CNBD1: variants seen among roughly 807,000 people sequenced by gnomAD.
The protein encoded by CNBD1 is cyclic nucleotide binding domain containing 1.
A neutral mutation model predicts 54.4 loss-of-function variants in CNBD1; 71 were observed. The ratio of observed to expected loss-of-function variants is 1.30; its 90% CI spans 1.08 to 1.59. The LOEUF (loss-of-function observed/expected upper bound fraction) is 1.59, where lower values mean the gene tolerates loss of function less well. CNBD1 is among the 40% of genes most tolerant of loss of function. The probability of loss-of-function intolerance (pLI) is 0.00; values close to 1 mark genes in which losing one functional copy is unlikely to be tolerated. For synonymous variants in CNBD1, 182 were observed against 170.7 expected (o/e 1.07, Z -0.51); for missense variants, 659 against 518.0 (o/e 1.27, Z -2.64).
At chr8:87,340,607 G>GTTT in intron 8 of CNBD1, among the ~76,000 whole-genome samples, 1 of 148,198 alleles carries the variant, frequency 6.7e-6, no homozygotes, top group Admixed American at 6.7e-5. Flanking sequence ...TTCTGTTGTT[G>GTTT]TTTTTTTTCC....
At chr8:86,994,086 C>G (rs1298996635) in intron 4 of CNBD1, among the ~76,000 whole-genome samples, 2 of 152,210 alleles carry the variant, frequency 1.3e-5, no homozygotes, top group Non-Finnish European at 2.9e-5. Context: ...TGTTTCATCC[C>G]TCTCAGTACT....
intron 6 of CNBD1, among the ~76,000 whole-genome samples, chr8:87,238,748 C>G (rs1807632261): frequency 6.6e-6 from 1 of 152,052 alleles, no homozygotes; most frequent in South Asian, 2.1e-4. Flanking sequence ...GTCAGATTCT[C>G]AGATTTTTCT....
At chr8:87,240,250 A>G (rs970502512) in intron 6 of CNBD1, among the ~76,000 whole-genome samples, 10 of 152,184 alleles carry the variant, frequency 6.6e-5, no homozygotes, top group African/African-American at 2.2e-4. Flanking sequence ...ATTAAGTTGA[A>G]GATTCTCAAT....
chr8:87,168,377 A>T (rs963962021), intron 4 of CNBD1, among the ~76,000 whole-genome samples: 13 of 152,084 alleles, frequency 8.5e-5, no homozygotes, highest in Non-Finnish European at 1.5e-4. Context: ...TAATCACATC[A>T]GGGTAAATAA....
chr8:87,056,679 A>G (rs1563452125), intron 4 of CNBD1, among the ~76,000 whole-genome samples: 2 of 152,132 alleles, frequency 1.3e-5, no homozygotes, highest in Admixed American at 6.6e-5. Context: ...GAAGGTAATT[A>G]TAATATTTTA....
rs533451290 is a variant in CNBD1 at position 87,294,513 on chromosome 8, C to T, written c.1042+7842C>T. Among the ~76,000 whole-genome samples the T allele has an allele frequency of 4.9e-4, 75 of 152,272 alleles. No individual in the cohort carries two copies. The South Asian group carries it at 0.015, about 31-fold the overall frequency. On this transcript the variant is annotated intron_variant, in intron 8 of 10. Coordinates refer to ENST00000518476, the MANE Select transcript of CNBD1 (RefSeq NM_173538.3). ...ACACATTTCCTGGATTTCTCACTGT[C>T]TCCACTCCAAAGTCTTTTGTGAGTG...
chr8:87,422,340 G>A (rs1461469745), intron 2 of CNBD1, among the ~76,000 whole-genome samples: 3 of 147,530 alleles, frequency 2.0e-5, no homozygotes, highest in Non-Finnish European at 4.5e-5. Context: ...TAGACATGAA[G>A]TCCTTGCCCG....
intron 4 of CNBD1, among the ~76,000 whole-genome samples, chr8:87,095,823 A>AT (rs886923454): frequency 5.3e-5 from 8 of 152,046 alleles, no homozygotes; most frequent in African/African-American, 1.7e-4. Context: ...ACACCTGGCT[A>AT]TTTTTTTGTA....
chr8:86,880,881 C>A (rs954188395), intron 1 of CNBD1, among the ~76,000 whole-genome samples: 9 of 152,128 alleles, frequency 5.9e-5, no homozygotes, highest in African/African-American at 2.2e-4. Flanking sequence ...ATATGCAAAT[C>A]AAGAAATATG....
chr8:87,339,842 T>C lies in CNBD1; in HGVS notation c.1043-11843T>C, dbSNP rs547207801. 3.2e-4 allele frequency among the ~76,000 whole-genome samples: 49 copies of C among 152,308 alleles called. No individual in the cohort carries two copies. In the South Asian group the frequency reaches 9.7e-3, roughly 30 times the overall value. ...ACATTTATGTTACTGATGCTGTTTA[T>C]TTATTAACGTATTTCTATAATTATA... On this transcript the variant is annotated intron_variant, in intron 8 of 10. Transcript: ENST00000518476.
At chr8:87,262,152 T>C (rs1808154305) in intron 6 of CNBD1, among the ~76,000 whole-genome samples, 4 of 152,076 alleles carry the variant, frequency 2.6e-5, no homozygotes, top group Admixed American at 2.6e-4. Context: ...AGACCCTGTC[T>C]AAAACACACA....
intron 2 of CNBD1, among the ~76,000 whole-genome samples, chr8:86,899,668 G>T (rs1301896689): frequency 6.6e-5 from 10 of 152,034 alleles, no homozygotes; most frequent in Non-Finnish European, 1.5e-4. Context: ...ATCTGATGTT[G>T]TTGCTGCTGG....
intron 6 of CNBD1, among the ~76,000 whole-genome samples, chr8:87,262,750 CA>C (rs558091462): frequency 1.1e-3 from 161 of 152,166 alleles, no homozygotes; most frequent in Non-Finnish European, 1.5e-3. Context: ...CTTAGGCATC[CA>C]AAAAATATAA....
rs138275815 is a variant in CNBD1, at chr8:87,380,074, C to A, written c.1304-2546C>A. ...ATAAACTAGTAAGGATAAACTTAGA[C>A]AAAGGAACCAAATATCTGTGTTTGC... On this transcript the variant is annotated intron_variant, in intron 10 of 10. Coordinates refer to ENST00000518476, the MANE Select transcript of CNBD1 (RefSeq NM_173538.3). Among the ~76,000 whole-genome samples, 225 of 151,834 alleles carry A rather than the reference C, an allele frequency of 1.5e-3. 1 individual carries two copies. The highest frequency in any genetic ancestry group is 5.2e-3 in the African/African-American group (216 of 41,446).
At chr8:87,206,339 T>C (rs1490386905) in intron 5 of CNBD1, among the ~76,000 whole-genome samples, 1 of 152,182 alleles carries the variant, frequency 6.6e-6, no homozygotes, top group Non-Finnish European at 1.5e-5. Context: ...GAGTTTAAGA[T>C]ATATACTTGT....
intron 6 of CNBD1, among the ~76,000 whole-genome samples, chr8:87,264,736 C>A (rs1399160375): frequency 6.6e-6 from 1 of 152,060 alleles, no homozygotes; most frequent in East Asian, 1.9e-4. Flanking sequence ...GATTTTCATT[C>A]CTCTGATGAC....
intron 8 of CNBD1, among the ~76,000 whole-genome samples, chr8:87,337,323 T>C (rs1809964941): frequency 6.6e-6 from 1 of 152,100 alleles, no homozygotes; most frequent in African/African-American, 2.4e-5. Context: ...TCTGCTGGTT[T>C]GTGGGGACTT....
chr8:87,374,779 C>A (rs1473617764), intron 10 of CNBD1, among the ~76,000 whole-genome samples: 1 of 150,930 alleles, frequency 6.6e-6, no homozygotes, highest in East Asian at 1.9e-4. Context: ...AGAACCTAGA[C>A]CTTGGAATTC....
At chr8:87,033,983 C>A (rs1454268767) in intron 4 of CNBD1, among the ~76,000 whole-genome samples, 1 of 151,924 alleles carries the variant, frequency 6.6e-6, no homozygotes, top group African/African-American at 2.4e-5. Flanking sequence ...TTATGGCTGT[C>A]CTGCATCCAC....
Sources: allele counts gnomAD v4.1 joint callset (sites outside exome capture counted in the v4.1 genomes callset), GRCh38; gene constraint gnomAD v4.1.1; transcripts MANE v1.5; gene names NCBI Gene and HGNC (gene_info 2026-07-23, HGNC 2026-07-21).